LRRIQ1: variants seen among roughly 807,000 people sequenced by gnomAD.
LRRIQ1 encodes the protein leucine rich repeats and IQ motif containing 1.
A neutral mutation model predicts 211.9 loss-of-function variants in LRRIQ1; 210 were observed. The ratio of observed to expected loss-of-function variants is 0.99; its 90% CI spans 0.89 to 1.11. LRRIQ1 has a LOEUF of 1.11. Ranked by LOEUF, LRRIQ1 falls within the 50% of genes most tolerant of loss-of-function variation. The pLI is 0.00. For missense variants in LRRIQ1, 2,136 were observed against 1,939.5 expected, an observed-to-expected ratio of 1.10 and a Z score of -1.90; for synonymous variants, 699 against 650.1, an observed-to-expected ratio of 1.08 and a Z score of -1.14.
At chr12:85,162,270 G>T (rs1382427783) in intron 24 of LRRIQ1, among the ~76,000 whole-genome samples, 3 of 151,932 alleles carry the variant, frequency 2.0e-5, no homozygotes, top group African/African-American at 7.3e-5. Flanking sequence ...TATTTTGATA[G>T]AATTAAAATA....
rs78312585 is a variant in LRRIQ1 at position 85,146,922 on chromosome 12, A to G, written c.4330-5358A>G. Among the ~76,000 whole-genome samples, 3 of 151,808 alleles carry G rather than the reference A, an allele frequency of 2.0e-5. No homozygotes were observed. The East Asian group carries it at 5.9e-4, about 30-fold the overall frequency. ...ATAGAATCCTGAGTTGTCCAAATAG[A>G]TCTATATTACCTTCCATGCATTTTT... On this transcript the variant is annotated intron_variant, in intron 19 of 26. Transcript: ENST00000393217.
At chr12:85,109,839 T>A (rs79156539) in intron 15 of LRRIQ1, among the ~76,000 whole-genome samples, 3,130 of 152,232 alleles carry the variant, frequency 0.021, 141 homozygotes, top group East Asian at 0.2. Flanking sequence ...CTTAATTTTC[T>A]TTTTTAGATA....
intron 19 of LRRIQ1, among the ~76,000 whole-genome samples, chr12:85,140,544 C>T (rs1889467727): frequency 6.6e-6 from 1 of 151,186 alleles, no homozygotes; most frequent in African/African-American, 2.4e-5. Flanking sequence ...CTGAGAATGA[C>T]AGTTTTCTCT....
At chr12:85,137,435 AT>A (rs898197110) in intron 18 of LRRIQ1, among the ~76,000 whole-genome samples, 2 of 151,644 alleles carry the variant, frequency 1.3e-5, no homozygotes, top group African/African-American at 4.8e-5. Flanking sequence ...TACTCCCTGT[AT>A]AATATGGCCA....
chr12:85,189,103 A>G (rs188406555), intron 24 of LRRIQ1, among the ~76,000 whole-genome samples: 2 of 152,236 alleles, frequency 1.3e-5, no homozygotes, highest in Admixed American at 1.3e-4. Context: ...AATCCCAGAA[A>G]AAAACATAAA....
intron 10 of LRRIQ1, 46 bp from the exon 11 acceptor site, chr12:85,072,861 T>C (rs1276075829): frequency 3.6e-6 from 5 of 1,392,676 alleles, no homozygotes; most frequent in East Asian, 4.9e-5. Flanking sequence ...CTTGCATTTA[T>C]TAATTCGTCT....
At chr12:85,102,959 A>ATATATATATATATATATAT (rs1555207753) in intron 13 of LRRIQ1, among the ~76,000 whole-genome samples, 2 of 108,464 alleles carry the variant, frequency 1.8e-5, no homozygotes, top group African/African-American at 8.3e-5. Flanking sequence ...AAAAAAAAAA[A>ATATATATATATATATATAT]ATATATATAT....
At position 85,091,809 on chromosome 12, in the gene LRRIQ1, C is replaced by T. The variant is rs577294227; in HGVS notation, c.2888-6546C>T. The stretch of plus-strand genomic sequence containing the variant: ...ATTTGTTAAATATTAGATAATTGTA[C>T]GTGTATGGCTTTATTTCTGAGTTCT... On this transcript the variant is annotated intron_variant, in intron 11 of 26. Transcript: ENST00000393217. Among the ~76,000 whole-genome samples, 15 of 152,240 alleles carry T rather than the reference C, an allele frequency of 9.9e-5. No homozygotes were observed. In the South Asian group the frequency reaches 1.4e-3, roughly 15 times the overall value.
intron 19 of LRRIQ1, among the ~76,000 whole-genome samples, chr12:85,150,208 G>C (rs1890150855): frequency 1.3e-5 from 2 of 151,778 alleles, no homozygotes; most frequent in Admixed American, 1.3e-4. Context: ...CAGGTGGCAT[G>C]TTGCCTTTGT....
chr12:85,178,239 AGTTT>A (rs1358886656), intron 24 of LRRIQ1, among the ~76,000 whole-genome samples: 3 of 151,788 alleles, frequency 2.0e-5, no homozygotes. Flanking sequence ...TATCTCCTGT[AGTTT>A]GTTTCTTAAA....
chr12:85,191,626 A>T (rs774614151), intron 24 of LRRIQ1, among the ~76,000 whole-genome samples: 3 of 152,042 alleles, frequency 2.0e-5, no homozygotes, highest in Non-Finnish European at 4.4e-5. Flanking sequence ...GCTGCTATAA[A>T]TGTCCATGTT....
intron 26 of LRRIQ1, among the ~76,000 whole-genome samples, chr12:85,238,665 T>C (rs1666484250): frequency 6.6e-6 from 1 of 152,060 alleles, no homozygotes; most frequent in African/African-American, 2.4e-5. Flanking sequence ...TCTCAATATA[T>C]GCAGAAAATG....
At chr12:85,090,679 A>G (rs879748892) in intron 11 of LRRIQ1, among the ~76,000 whole-genome samples, 3 of 152,182 alleles carry the variant, frequency 2.0e-5, no homozygotes, top group African/African-American at 7.2e-5. Context: ...TGATACTTTC[A>G]TTGTATCTTA....
At chr12:85,255,478 T>G (rs903408669) in intron 1 of LRRIQ1, among the ~76,000 whole-genome samples, 1 of 151,842 alleles carries the variant, frequency 6.6e-6, no homozygotes, top group Non-Finnish European at 1.5e-5. Context: ...TAATATCTTA[T>G]AAATAACTGT....
At chr12:85,087,460 G>A (rs946061461) in intron 11 of LRRIQ1, among the ~76,000 whole-genome samples, 3 of 152,194 alleles carry the variant, frequency 2.0e-5, no homozygotes, top group Non-Finnish European at 4.4e-5. Flanking sequence ...TATATACCCA[G>A]TAATGGGATA....
At chr12:85,038,689 T>C (rs1878488537) in intron 2 of LRRIQ1, among the ~76,000 whole-genome samples, 1 of 151,632 alleles carries the variant, frequency 6.6e-6, no homozygotes, top group African/African-American at 2.4e-5. Context: ...ATTTATTCAT[T>C]TATACCAATA....
At chr12:85,252,726 C>T (rs967921283) in intron 1 of LRRIQ1, among the ~76,000 whole-genome samples, 3 of 150,902 alleles carry the variant, frequency 2.0e-5, no homozygotes, top group African/African-American at 7.3e-5. Context: ...ATTAATGGAC[C>T]AAAATTGGGA....
intron 15 of LRRIQ1, among the ~76,000 whole-genome samples, chr12:85,113,907 T>TTTTG (rs1239287833): frequency 4.3e-5 from 6 of 140,866 alleles, no homozygotes; most frequent in African/African-American, 5.5e-5. Context: ...CAAATGAGTT[T>TTTTG]TGTGTGTGTG....
chr12:85,194,920 C>T (rs1411114263), intron 24 of LRRIQ1, among the ~76,000 whole-genome samples: 25 of 151,800 alleles, frequency 1.6e-4, no homozygotes, highest in Non-Finnish European at 2.8e-4. Flanking sequence ...ATTGATAGAC[C>T]GCTAGCAAGA....
Sources: allele counts gnomAD v4.1 joint callset (sites outside exome capture counted in the v4.1 genomes callset), GRCh38; gene constraint gnomAD v4.1.1; transcripts MANE v1.5; gene names NCBI Gene and HGNC (gene_info 2026-07-23, HGNC 2026-07-21).